The following PARD3B variants were observed in gnomAD, a reference collection of about 807,000 sequenced individuals.
PARD3B encodes partitioning defective 3 homolog B.
A neutral mutation model predicts 130.2 loss-of-function variants in PARD3B; 103 were observed. The observed-to-expected ratio is 0.79, with a 90% CI of 0.67 to 0.93. The LOEUF is 0.93. Ranked by LOEUF, PARD3B falls within the 40% of genes least tolerant of loss-of-function variation. The probability of loss-of-function intolerance (pLI) is 0.00; values close to 1 mark genes in which losing one functional copy is unlikely to be tolerated. For missense variants in PARD3B, 1,609 were observed against 1,499.2 expected, an observed-to-expected ratio of 1.07 and a Z score of -1.21; for synonymous variants, 583 against 553.2, an observed-to-expected ratio of 1.05 and a Z score of -0.76.
intron 2 of PARD3B, among the ~76,000 whole-genome samples, chr2:204,716,853 A>C (rs2038755642): frequency 6.6e-6 from 1 of 151,886 alleles, no homozygotes; most frequent in South Asian, 2.1e-4. Context: ...CAATCTCCTG[A>C]CCTCGTGATC....
chr2:205,597,883 A>G (rs1384499527), intron 22 of PARD3B, among the ~76,000 whole-genome samples: 2 of 152,214 alleles, frequency 1.3e-5, no homozygotes, highest in Non-Finnish European at 1.5e-5. Context: ...TGCCAAACTA[A>G]GCTTCTAACT....
At chr2:204,739,754 A>T (rs897707054) in intron 2 of PARD3B, among the ~76,000 whole-genome samples, 2 of 151,954 alleles carry the variant, frequency 1.3e-5, no homozygotes, top group Non-Finnish European at 2.9e-5. Context: ...GCCTGGCCTC[A>T]TTATGTCTAT....
chr2:204,634,673 T>C (rs2034807951), intron 1 of PARD3B, among the ~76,000 whole-genome samples: 1 of 152,220 alleles, frequency 6.6e-6, no homozygotes, highest in Admixed American at 6.5e-5. Context: ...TACATATTTA[T>C]TTTAATTGAT....
At chr2:204,717,457 A>G (rs967199076) in intron 2 of PARD3B, among the ~76,000 whole-genome samples, 4 of 151,934 alleles carry the variant, frequency 2.6e-5, no homozygotes, top group Non-Finnish European at 5.9e-5. Context: ...GTTTTTCCCC[A>G]TGTTATCCCT....
chr2:205,548,635 A>T (rs2052479004), intron 21 of PARD3B, among the ~76,000 whole-genome samples: 1 of 152,190 alleles, frequency 6.6e-6, no homozygotes, highest in Non-Finnish European at 1.5e-5. Context: ...TCTCCAAGTT[A>T]TGGTAAGAAT....
At chr2:205,567,143 T>C (rs1435885259) in intron 22 of PARD3B, among the ~76,000 whole-genome samples, 2 of 152,020 alleles carry the variant, frequency 1.3e-5, no homozygotes, top group African/African-American at 4.8e-5. Context: ...TACTCTCAAA[T>C]GGCTCAGGAA....
At chr2:204,795,728 G>A (rs1414421257) in intron 2 of PARD3B, among the ~76,000 whole-genome samples, 4 of 152,148 alleles carry the variant, frequency 2.6e-5, no homozygotes, top group Non-Finnish European at 5.9e-5. Flanking sequence ...AGCTCGTATT[G>A]AGACAATTAT....
intron 2 of PARD3B, among the ~76,000 whole-genome samples, chr2:204,793,918 G>C (rs1280418522): frequency 6.6e-6 from 1 of 152,152 alleles, no homozygotes; most frequent in African/African-American, 2.4e-5. Context: ...GTCTCATAGA[G>C]AGGCATGTTT....
chr2:204,728,432 A>G (rs2039337622), intron 2 of PARD3B, among the ~76,000 whole-genome samples: 1 of 152,168 alleles, frequency 6.6e-6, no homozygotes, highest in Non-Finnish European at 1.5e-5. Context: ...GTAATGGGCC[A>G]GCTGGGCTGT....
chr2:204,660,317 T>A, intron 1 of PARD3B, among the ~76,000 whole-genome samples: 1 of 152,210 alleles, frequency 6.6e-6, no homozygotes, highest in East Asian at 1.9e-4. Flanking sequence ...TTGCAATGTT[T>A]TATAAAAGCA....
Position 205,078,474 on chromosome 2 carries a change from C to G in PARD3B, c.505-25952C>G, listed in dbSNP as rs755136129. ...GTCTCTTAATGAATGCTACTTAATC[C>G]ATTAGGGTTCACATAAGTATTCTAT... is the stretch of plus-strand genomic sequence containing the variant. On this transcript the variant is annotated intron_variant, in intron 4 of 22. Coordinates refer to ENST00000406610, the MANE Select transcript of PARD3B (RefSeq NM_001302769.2). This position sits in a 1 kb window ranked among gnomAD's most constrained non-coding sequence, Gnocchi z 4.0. 1.2e-4 allele frequency among the ~76,000 whole-genome samples: 18 copies of G among 152,158 alleles called. No individual in the cohort carries two copies. Among genetic ancestry groups the G allele is most frequent in the Admixed American group, 3.3e-4 (5 of 15,284 alleles).
chr2:205,043,248 G>A (rs772744992), intron 3 of PARD3B, among the ~76,000 whole-genome samples: 1 of 151,896 alleles, frequency 6.6e-6, no homozygotes, highest in Non-Finnish European at 1.5e-5. Flanking sequence ...CAAGAGCCTG[G>A]CTTTTTAAGC....
chr2:204,912,739 A>G (rs2047287347), intron 2 of PARD3B, among the ~76,000 whole-genome samples: 1 of 152,222 alleles, frequency 6.6e-6, no homozygotes, highest in African/African-American at 2.4e-5. Flanking sequence ...ATAGCTAAAA[A>G]CATAAGACTG....
intron 20 of PARD3B, among the ~76,000 whole-genome samples, chr2:205,495,249 A>G (rs1295447064): frequency 6.6e-6 from 1 of 152,236 alleles, no homozygotes; most frequent in Non-Finnish European, 1.5e-5. Flanking sequence ...TAAAGGCATA[A>G]GCAATGTAAT....
intron 2 of PARD3B, among the ~76,000 whole-genome samples, chr2:204,748,383 A>G (rs1257882983): frequency 2.0e-5 from 3 of 152,296 alleles, no homozygotes; most frequent in African/African-American, 7.2e-5. Flanking sequence ...TATCCAGAAT[A>G]TACTAGGACA....
At chr2:205,485,930 T>G (rs888060822) in intron 20 of PARD3B, among the ~76,000 whole-genome samples, 4 of 152,198 alleles carry the variant, frequency 2.6e-5, no homozygotes, top group Non-Finnish European at 5.9e-5. Context: ...TTCATGATAC[T>G]TCCTCTTAAT....
Position 204,697,547 on chromosome 2 carries a change from G to T in PARD3B, c.222+11265G>T, listed in dbSNP as rs117519256. 6.2e-3 allele frequency among the ~76,000 whole-genome samples: 939 copies of T among 152,206 alleles called. 22 individuals are homozygous for T. Among genetic ancestry groups the T allele is most frequent in the East Asian group, 0.022 (114 of 5,166 alleles). ...GACCGAGTATATAAGCAAGAGTGGG[G>T]CAGACATCTGCCAGGAATTCCTCTT... On this transcript the variant is annotated intron_variant, in intron 2 of 22. Transcript: ENST00000406610.
At chr2:205,214,964 G>A (rs976861875) in intron 15 of PARD3B, among the ~76,000 whole-genome samples, 2 of 152,022 alleles carry the variant, frequency 1.3e-5, no homozygotes, top group African/African-American at 4.8e-5. Context: ...TTCTAAAGGC[G>A]GCTCAGTCTA....
At chr2:205,035,671 C>T (rs1697767054) in intron 3 of PARD3B, among the ~76,000 whole-genome samples, 1 of 150,834 alleles carries the variant, frequency 6.6e-6, no homozygotes, top group Admixed American at 6.7e-5. Context: ...TATTACTTAC[C>T]AAGATGACTG....
Sources: allele counts gnomAD v4.1 joint callset (sites outside exome capture counted in the v4.1 genomes callset), GRCh38; gene constraint gnomAD v4.1.1; non-coding constraint Gnocchi (gnomAD v3.1); transcripts MANE v1.5; gene names NCBI Gene and HGNC (gene_info 2026-07-23, HGNC 2026-07-21).